Variants in DNAH12 observed in about 807,000 individuals in gnomAD.
DNAH12 encodes the protein axonemal beta dynein heavy chain 12.
DNAH12 carries 285 observed loss-of-function variants against 371.5 expected under a neutral mutation model. The ratio of observed to expected loss-of-function variants is 0.77; its 90% CI spans 0.70 to 0.85. The LOEUF is 0.85. DNAH12 is among the 40% of genes least tolerant of loss of function. The pLI, the probability that DNAH12 is intolerant of heterozygous loss-of-function variation, is 0.00. For synonymous variants in DNAH12, 1,200 were observed against 1,213.0 expected (o/e 0.99, Z 0.22); for missense variants, 3,611 against 3,689.4 (o/e 0.98, Z 0.55).
At chr3:57,340,805 A>G (rs540418064) in intron 60 of DNAH12, among the ~76,000 whole-genome samples, 54 of 152,342 alleles carry the variant, frequency 3.5e-4, no homozygotes, top group African/African-American at 1.3e-3. Flanking sequence ...AACCCATTTT[A>G]CAAGGCCAGC....
At chr3:57,328,512 C>G (rs36169818) in intron 62 of DNAH12, among the ~76,000 whole-genome samples, 13,631 of 142,280 alleles carry the variant, frequency 0.096, 1,976 homozygotes, top group African/African-American at 0.33. Flanking sequence ...ATTCAACAAC[C>G]CTTCATGCTA....
chr3:57,388,609 T>A (rs2063544125), intron 45 of DNAH12, among the ~76,000 whole-genome samples: 1 of 152,146 alleles, frequency 6.6e-6, no homozygotes, highest in East Asian at 1.9e-4. Context: ...TGAAATTTTA[T>A]AAAATGCCAG....
At position 57,421,514 on chromosome 3, in the gene DNAH12, A is replaced by G; in HGVS notation, c.5562+4T>C. ...CTTACCATAACAAGCTTTTTATGTC[A>G]TACCTCATACATGTAGTCATAGACC... On this transcript the variant is annotated splice_donor_region_variant and intron_variant, in intron 36 of 73. Coordinates refer to ENST00000495027, the MANE Select transcript of DNAH12 (RefSeq NM_001366028.2). The G allele has an allele frequency of 6.4e-7, 1 of 1,551,540 alleles. No individual in the cohort carries two copies.
chr3:57,342,672 AG>A (rs2062434330), intron 60 of DNAH12, among the ~76,000 whole-genome samples: 2 of 146,600 alleles, frequency 1.4e-5, no homozygotes, highest in African/African-American at 5.0e-5. Context: ...AAAAAAAAAA[AG>A]GAAAGAAAAG....
At chr3:57,372,304 G>GA (rs1307740513) in intron 55 of DNAH12, among the ~76,000 whole-genome samples, 8 of 151,946 alleles carry the variant, frequency 5.3e-5, no homozygotes, top group African/African-American at 1.9e-4. Context: ...GCCAGAAAAA[G>GA]AAAAAAGCTG....
rs1410788937 is a variant in DNAH12, at chr3:57,461,511, T to C, written c.2714A>G (p.Lys905Arg). ...TQTMRGSPFI[K>R]PFEHEIKAWE... ...TACCTTGATCTCATGTTCAAATGGT[T>C]TGATGAAAGGTGAGCCTCTCATTGT... Residue 905 changes from lysine (K) to arginine (R), a missense_variant, in exon 19 of 74, where the codon AAA becomes AGA. Around this residue, in one of 3 missense-constraint regions of DNAH12, gnomAD observed 1,314 missense variants for 1,398.7 expected, o/e 0.94. Transcript: ENST00000495027. The C allele has an allele frequency of 1.9e-5, 29 of 1,551,336 alleles. No individual in the cohort carries two copies. Among genetic ancestry groups the C allele is most frequent in the East Asian group, 2.4e-5 (1 of 40,850 alleles).
At chr3:57,390,704 ACAGT>A (rs2063605290) in intron 45 of DNAH12, among the ~76,000 whole-genome samples, 2 of 151,758 alleles carry the variant, frequency 1.3e-5, no homozygotes, top group African/African-American at 4.8e-5. Flanking sequence ...ACAGGCAGTG[ACAGT>A]CTGTCTTAGG....
intron 44 of DNAH12, among the ~76,000 whole-genome samples, chr3:57,393,611 G>A (rs2063672119): frequency 9.7e-6 from 1 of 103,360 alleles, no homozygotes; most frequent in Admixed American, 1.5e-4. Flanking sequence ...GGGTGACAGA[G>A]CAAGACTCTG....
At chr3:57,308,078 G>T (rs1331042523) in intron 69 of DNAH12, among the ~76,000 whole-genome samples, 1 of 152,048 alleles carries the variant, frequency 6.6e-6, no homozygotes, top group Non-Finnish European at 1.5e-5. Flanking sequence ...TCAGGGATTT[G>T]CCCCCGCCCA....
Position 57,472,606 on chromosome 3 carries a change from T to C in DNAH12, c.1716A>G (p.Leu572=), listed in dbSNP as rs575502615. The stretch of plus-strand genomic sequence containing the variant: ...TAGGCCACATGAGGACAGTTGCATT[T>C]AAAGCTAAGTCTTCTTGAGGAAATA... ...VFLFPQEDLA[L]NATVLMWPRK... is the part of the protein sequence containing the mutation. The change falls in exon 14 of 74, where the codon TTA becomes TTG. Residue 572 remains leucine (L), a synonymous_variant. Coordinates refer to ENST00000495027, the MANE Select transcript of DNAH12 (RefSeq NM_001366028.2). 3.2e-6 allele frequency: 5 copies of C among 1,551,174 alleles called. No individual in the cohort carries two copies. The East Asian group carries it at 9.8e-5, about 30-fold the overall frequency.
At chr3:57,552,376 T>G in the DNAH12 span, among the ~76,000 whole-genome samples, 16 of 152,312 alleles carry the variant, frequency 1.1e-4, 1 homozygote, top group East Asian at 3.1e-3. Flanking sequence ...AATTTATAAT[T>G]ATCTATTACT....
At chr3:57,294,745 CA>C (rs2061198822) in intron 73 of DNAH12, among the ~76,000 whole-genome samples, 1 of 152,108 alleles carries the variant, frequency 6.6e-6, no homozygotes, top group African/African-American at 2.4e-5. Context: ...ATAAGAAAAA[CA>C]TGTCAACTCT....
intron 42 of DNAH12, among the ~76,000 whole-genome samples, chr3:57,404,364 C>A: frequency 6.6e-6 from 1 of 151,944 alleles, no homozygotes; most frequent in African/African-American, 2.4e-5. Context: ...TTAAAATATG[C>A]AAAATAAGAC....
intron 55 of DNAH12, among the ~76,000 whole-genome samples, chr3:57,374,003 T>C (rs1231285745): frequency 6.6e-6 from 1 of 152,162 alleles, no homozygotes; most frequent in Non-Finnish European, 1.5e-5. Context: ...TTTCAGGATG[T>C]TAGATTTCCT....
intron 49 of DNAH12, among the ~76,000 whole-genome samples, chr3:57,382,596 C>T (rs2063416518): frequency 2.0e-5 from 3 of 151,112 alleles, no homozygotes; most frequent in East Asian, 3.9e-4. Flanking sequence ...TAATGGTTCT[C>T]AAATGTTGGG....
intron 27 of DNAH12, among the ~76,000 whole-genome samples, chr3:57,445,656 A>C (rs141644110): frequency 6.6e-6 from 1 of 151,770 alleles, no homozygotes; most frequent in Admixed American, 6.6e-5. Flanking sequence ...ATCATTTTGA[A>C]TGGATTATGC....
chr3:57,432,787 T>C (rs1306912453), intron 32 of DNAH12, among the ~76,000 whole-genome samples: 1 of 152,166 alleles, frequency 6.6e-6, no homozygotes, highest in Non-Finnish European at 1.5e-5. Context: ...GAGTGAACCT[T>C]GTAGGGTATA....
intron 69 of DNAH12, among the ~76,000 whole-genome samples, chr3:57,304,553 A>T (rs1377419939): frequency 6.6e-6 from 1 of 151,914 alleles, no homozygotes; most frequent in Non-Finnish European, 1.5e-5. Flanking sequence ...GACAAAGGAG[A>T]TGCATTTTAT....
intron 17 of DNAH12, among the ~76,000 whole-genome samples, chr3:57,466,068 TCA>T (rs10616496): frequency 0.034 from 5,026 of 149,634 alleles, 236 homozygotes; most frequent in African/African-American, 0.11. Flanking sequence ...CACATGCAAT[TCA>T]CACACACACA....
Sources: gnomAD v4.1 joint callset for allele counts (sites outside exome capture counted in the v4.1 genomes callset) on GRCh38, gnomAD v4.1.1 for gene constraint, gnomAD v4.1.1 regional missense constraint, MANE v1.5 for transcripts, NCBI Gene and HGNC (gene_info 2026-07-23, HGNC 2026-07-21) for gene names.